ADAM7: variants seen among roughly 807,000 people sequenced by gnomAD.
ADAM7 encodes the protein ADAM metallopeptidase domain 7, also known as disintegrin and metalloproteinase domain-containing protein 7.
Under a neutral mutation model 102.9 loss-of-function variants are expected in ADAM7, and 97 were observed. The ratio of observed to expected loss-of-function variants is 0.94; its 90% CI spans 0.80 to 1.12. ADAM7 has a LOEUF of 1.12. Ranked by LOEUF, ADAM7 falls within the 50% of genes most tolerant of loss-of-function variation. The pLI, the probability that ADAM7 is intolerant of heterozygous loss-of-function variation, is 0.00. For synonymous variants in ADAM7, 334 were observed against 304.4 expected, an observed-to-expected ratio of 1.10 and a Z score of -1.01; for missense variants, 991 against 908.7, an observed-to-expected ratio of 1.09 and a Z score of -1.16.
chr8:24,448,033 G>A (rs1196605975), intron 3 of ADAM7, among the ~76,000 whole-genome samples: 3 of 150,166 alleles, frequency 2.0e-5, no homozygotes, highest in Non-Finnish European at 4.4e-5. Context: ...CAAATGTGCC[G>A]AATAATAAAC....
intron 5 of ADAM7, among the ~76,000 whole-genome samples, chr8:24,466,024 C>A (rs1465445917): frequency 1.3e-5 from 2 of 152,192 alleles, no homozygotes; most frequent in Non-Finnish European, 2.9e-5. Context: ...TGGAAGATTA[C>A]TGAAAATCAT....
intron 13 of ADAM7, among the ~76,000 whole-genome samples, chr8:24,491,494 A>G (rs1026173540): frequency 2.0e-5 from 3 of 152,192 alleles, no homozygotes; most frequent in African/African-American, 7.2e-5. Flanking sequence ...ATTTTTCTCC[A>G]GTTCATATGC....
chr8:24,455,732 CT>C (rs1039120683), intron 3 of ADAM7, among the ~76,000 whole-genome samples: 3 of 152,182 alleles, frequency 2.0e-5, no homozygotes, highest in Non-Finnish European at 2.9e-5. Flanking sequence ...TGAATTTTTT[CT>C]TTGTATAACA....
intron 13 of ADAM7, 97 bp downstream of exon 13, chr8:24,490,985 C>A: frequency 8.2e-7 from 1 of 1,212,218 alleles, no homozygotes; most frequent in Non-Finnish European, 1.2e-6. Context: ...GCACCACTGA[C>A]TCCAAAATGA....
At chr8:24,490,704 T>A in intron 12 of ADAM7, 95 bp from the exon 13 acceptor site, 1 of 1,233,336 alleles carries the variant, frequency 8.1e-7, no homozygotes. Context: ...ACTATTTAAC[T>A]CTATCAGAAT....
At chr8:24,506,896 C>A (rs17052091) in intron 20 of ADAM7, among the ~76,000 whole-genome samples, 2 of 151,998 alleles carry the variant, frequency 1.3e-5, no homozygotes, top group Admixed American at 6.6e-5. Flanking sequence ...CAGAACTGGG[C>A]GCTGAATACA....
intron 12 of ADAM7, chr8:24,490,313 A>G (rs1382483015): frequency 6.5e-6 from 1 of 153,332 alleles, no homozygotes; most frequent in Non-Finnish European, 1.5e-5. Context: ...TTATCCGGCC[A>G]CACTCCATTT....
At chr8:24,461,149 C>A (rs1819228035) in intron 3 of ADAM7, among the ~76,000 whole-genome samples, 1 of 152,046 alleles carries the variant, frequency 6.6e-6, no homozygotes, top group African/African-American at 2.4e-5. Context: ...CCCGCCACCA[C>A]GCCCAGCTAA....
intron 3 of ADAM7, among the ~76,000 whole-genome samples, chr8:24,447,937 AAC>A (rs55836403): frequency 0.13 from 18,571 of 140,380 alleles, 1,214 homozygotes; most frequent in Middle Eastern, 0.22. Context: ...TAAATAACAA[AAC>A]ACACACACAC....
intron 20 of ADAM7, among the ~76,000 whole-genome samples, chr8:24,507,227 TA>T (rs1820981510): frequency 6.6e-6 from 1 of 152,162 alleles, no homozygotes. Context: ...TCACAGATTT[TA>T]CAACCAATAA....
intron 7 of ADAM7, among the ~76,000 whole-genome samples, chr8:24,472,490 G>A (rs181251347): frequency 1.3e-5 from 2 of 151,884 alleles, no homozygotes; most frequent in Admixed American, 6.6e-5. Flanking sequence ...GAAACTGAAA[G>A]TACAATATAT....
At position 24,499,276 on chromosome 8, in the gene ADAM7, A is replaced by G; in HGVS notation, c.1883A>G (p.Tyr628Cys). ...NGECLNMEKV[Y>C]ISTNCPSQCN... is the part of the protein sequence containing the mutation. Reference sequence around the variant, plus strand: ...GAATGTCTAAACATGGAAAAGGTCTATATCTCAACCAATTGCCCCTCTCAG... The same window carrying G: ...GAATGTCTAAACATGGAAAAGGTCTGTATCTCAACCAATTGCCCCTCTCAG... Residue 628 changes from tyrosine (Y) to cysteine (C), a missense_variant, in exon 17 of 22, where the codon TAT becomes TGT. Physicochemically the swap from Tyr to Cys is radical, Grantham distance 194. Transcript: ENST00000175238. The G allele has an allele frequency of 2.5e-6, 4 of 1,608,646 alleles. No individual in the cohort carries two copies. The highest frequency in any genetic ancestry group is 3.4e-6 in the Non-Finnish European group (4 of 1,177,786).
chr8:24,490,894 G>T lies in ADAM7; in HGVS notation c.1356+6G>T. The T allele has an allele frequency of 1.2e-6, 2 of 1,608,322 alleles. No individual in the cohort carries two copies. The highest frequency in any genetic ancestry group is 2.3e-5 in the South Asian group (2 of 88,824). ...AATGCTGTGAATCTTGTCAGGTAAG[G>T]TCATGTGCCAGGAGAAGGTTTTTTT... On this transcript the variant is annotated splice_donor_region_variant and intron_variant, in intron 13 of 21. Coordinates refer to ENST00000175238, the MANE Select transcript of ADAM7 (RefSeq NM_003817.4).
At chr8:24,441,894 C>T (rs1818385896) in intron 1 of ADAM7, among the ~76,000 whole-genome samples, 1 of 152,292 alleles carries the variant, frequency 6.6e-6, no homozygotes, top group East Asian at 1.9e-4. Flanking sequence ...CAACTGCAGG[C>T]CAGACATGGT....
At chr8:24,461,546 A>T (rs1224514949) in intron 3 of ADAM7, among the ~76,000 whole-genome samples, 2 of 151,800 alleles carry the variant, frequency 1.3e-5, no homozygotes, top group African/African-American at 4.8e-5. Context: ...ATTATAATTC[A>T]TGTCTTTCTC....
At chr8:24,492,392 T>G (rs1458756637) in intron 14 of ADAM7, 103 bp from the exon 15 acceptor site, 1 of 866,720 alleles carries the variant, frequency 1.2e-6, no homozygotes, top group Non-Finnish European at 1.8e-6. Flanking sequence ...TACTTCACTA[T>G]GACATGATTC....
intron 3 of ADAM7, among the ~76,000 whole-genome samples, chr8:24,457,001 T>C (rs1330617845): frequency 6.6e-6 from 1 of 152,184 alleles, no homozygotes; most frequent in Non-Finnish European, 1.5e-5. Context: ...AGGATATGTA[T>C]ATGTTTAGAT....
intron 16 of ADAM7, among the ~76,000 whole-genome samples, chr8:24,495,690 C>T (rs952419438): frequency 3.9e-5 from 6 of 152,102 alleles, no homozygotes; most frequent in African/African-American, 1.4e-4. Context: ...GCATTTTGCC[C>T]CTGCTCTAGA....
At chr8:24,463,722 C>T (rs1430631099) in intron 3 of ADAM7, among the ~76,000 whole-genome samples, 160 bp from the exon 4 acceptor site, 2 of 152,096 alleles carry the variant, frequency 1.3e-5, no homozygotes, top group African/African-American at 2.4e-5. Flanking sequence ...TAGAAAGGCT[C>T]TTCATATGAG....
Sources: allele counts gnomAD v4.1 joint callset (sites outside exome capture counted in the v4.1 genomes callset), GRCh38; gene constraint gnomAD v4.1.1; transcripts MANE v1.5; gene names NCBI Gene and HGNC (gene_info 2026-07-23, HGNC 2026-07-21).